The following STXBP5L variants were observed in gnomAD, a reference collection of about 807,000 sequenced individuals.
STXBP5L encodes syntaxin binding protein 5L.
In STXBP5L, 65 loss-of-function variants were observed where a neutral mutation model predicts 144.5. That is an observed-to-expected ratio of 0.45 (90% CI 0.37 to 0.55). The LOEUF (loss-of-function observed/expected upper bound fraction) is 0.55, where lower values mean the gene tolerates loss of function less well. Among genes scored for constraint, STXBP5L ranks in the 20% least tolerant of loss-of-function variants. STXBP5L has a pLI of 0.00. For synonymous variants in STXBP5L, 505 were observed against 469.6 expected (o/e 1.08, Z -0.97); for missense variants, 1,298 against 1,405.5 (o/e 0.92, Z 1.22).
At chr3:121,034,115 T>G (rs969341530) in intron 3 of STXBP5L, among the ~76,000 whole-genome samples, 2 of 152,070 alleles carry the variant, frequency 1.3e-5, no homozygotes, top group African/African-American at 4.8e-5. Context: ...AAACAAAACA[T>G]AAAACCATTG....
At chr3:121,307,455 G>T (rs1364510612) in intron 19 of STXBP5L, among the ~76,000 whole-genome samples, 1 of 152,040 alleles carries the variant, frequency 6.6e-6, no homozygotes, top group East Asian at 1.9e-4. Flanking sequence ...ATCAAATCAA[G>T]AACATAAATA....
intron 3 of STXBP5L, among the ~76,000 whole-genome samples, chr3:120,998,575 G>T (rs992441344): frequency 2.7e-4 from 41 of 151,990 alleles, no homozygotes; most frequent in African/African-American, 9.4e-4. Flanking sequence ...ATATTCCCCT[G>T]CCTGTGTCCA....
intron 2 of STXBP5L, among the ~76,000 whole-genome samples, chr3:120,926,948 T>C (rs1255914796): frequency 1.3e-5 from 2 of 151,230 alleles, no homozygotes; most frequent in Non-Finnish European, 3.0e-5. Context: ...TTTTTTTTTT[T>C]TTTTTGAGAT....
At chr3:121,050,656 C>A (rs548741758) in intron 5 of STXBP5L, among the ~76,000 whole-genome samples, 1 of 152,288 alleles carries the variant, frequency 6.6e-6, no homozygotes, top group African/African-American at 2.4e-5. Flanking sequence ...ACCATCAAGG[C>A]TAGGAAGAAA....
chr3:120,993,575 C>T (rs1392651389), intron 3 of STXBP5L, among the ~76,000 whole-genome samples: 2 of 151,920 alleles, frequency 1.3e-5, no homozygotes, highest in African/African-American at 2.4e-5. Flanking sequence ...TGTCCTTTCC[C>T]CATTGTATGT....
At chr3:121,205,453 A>C (rs2048301101) in intron 9 of STXBP5L, among the ~76,000 whole-genome samples, 1 of 152,144 alleles carries the variant, frequency 6.6e-6, no homozygotes, top group Non-Finnish European at 1.5e-5. Flanking sequence ...CCCATGTCCT[A>C]ATCACCTCTT....
At chr3:121,369,053 G>T (rs78979144) in intron 20 of STXBP5L, among the ~76,000 whole-genome samples, 2 of 152,154 alleles carry the variant, frequency 1.3e-5, no homozygotes, top group Non-Finnish European at 2.9e-5. Flanking sequence ...ATAGAGGGGG[G>T]TTTTGTTGGT....
At chr3:121,416,054 T>A in intron 25 of STXBP5L, 86 bp downstream of exon 25, 1 of 992,362 alleles carries the variant, frequency 1.0e-6, no homozygotes, top group Non-Finnish European at 1.5e-6. Context: ...CTTAATGTAA[T>A]ATGTGATCTC....
intron 7 of STXBP5L, among the ~76,000 whole-genome samples, chr3:121,130,492 G>A (rs935362861): frequency 6.6e-6 from 1 of 152,042 alleles, no homozygotes; most frequent in Admixed American, 6.6e-5. Flanking sequence ...CCTCCCTCTT[G>A]ACCTACATAT....
chr3:121,418,363 T>A lies in STXBP5L; in HGVS notation c.3253T>A (p.Ser1085Thr), dbSNP rs749165885. ...LFGEASAGKA[S>T]RSLAQHIPGP... ...TGGGGAAGCTTCGGCAGGAAAAGCATCCCGCAGCCTTGCGCAACACATTCC... is the reference window on the plus strand; with the variant it reads ...TGGGGAAGCTTCGGCAGGAAAAGCAACCCGCAGCCTTGCGCAACACATTCC... The change falls in exon 26 of 27, where the codon TCC becomes ACC. Residue 1085 changes from serine to threonine, a missense_variant. Ser to Thr is a moderately conservative substitution (Grantham distance 58). Transcript: ENST00000471454. 6.2e-7 allele frequency: 1 copy of A among 1,613,678 alleles called. No homozygotes were observed. The highest frequency in any genetic ancestry group is 1.7e-5 in the Admixed American group (1 of 59,960).
At chr3:121,055,218 G>T (rs1478331664) in intron 5 of STXBP5L, among the ~76,000 whole-genome samples, 2 of 152,064 alleles carry the variant, frequency 1.3e-5, no homozygotes, top group Non-Finnish European at 2.9e-5. Flanking sequence ...ACTTATTGGA[G>T]GAGATAAAAT....
At chr3:120,942,117 G>A (rs754900606) in intron 2 of STXBP5L, among the ~76,000 whole-genome samples, 2 of 151,548 alleles carry the variant, frequency 1.3e-5, no homozygotes, top group African/African-American at 2.4e-5. Context: ...TCGTTTAATC[G>A]CTGTGTATAA....
In STXBP5L at chr3:121,003,677, T is replaced by G. The variant is rs904524197; in HGVS notation, c.288-38023T>G. 2.0e-5 allele frequency among the ~76,000 whole-genome samples: 3 copies of G among 152,222 alleles called. No homozygotes were observed. In the East Asian group the frequency reaches 5.8e-4, roughly 29 times the overall value. On this transcript the variant is annotated intron_variant, in intron 3 of 26. Coordinates refer to ENST00000471454, the MANE Select transcript of STXBP5L (RefSeq NM_001308330.2). ...CCTAGGTTTTCTTCTAGGGTTTTTA[T>G]GGTTTCAGGTCTAACATGTGAGTCT...
intron 5 of STXBP5L, among the ~76,000 whole-genome samples, chr3:121,070,571 G>T (rs1338136317): frequency 6.6e-6 from 1 of 151,914 alleles, no homozygotes; most frequent in Non-Finnish European, 1.5e-5. Context: ...CACAAATGTA[G>T]ATTAGTAAAG....
chr3:121,024,667 T>G (rs1225963335), intron 3 of STXBP5L, among the ~76,000 whole-genome samples: 2 of 152,178 alleles, frequency 1.3e-5, no homozygotes, highest in Non-Finnish European at 2.9e-5. Context: ...TAATGTCATT[T>G]GTTAATTTAA....
intron 5 of STXBP5L, among the ~76,000 whole-genome samples, chr3:121,100,715 A>C (rs888960555): frequency 6.6e-6 from 1 of 152,076 alleles, no homozygotes; most frequent in Non-Finnish European, 1.5e-5. Context: ...CTAATCCTAA[A>C]GCTAGCATCG....
chr3:121,157,468 T>A (rs1157080109), intron 8 of STXBP5L, 36 bp from the exon 9 acceptor site: 6 of 1,539,758 alleles, frequency 3.9e-6, no homozygotes, highest in Non-Finnish European at 5.2e-6. Context: ...ATCTACTTTT[T>A]TCCCCCTCTA....
chr3:120,950,997 T>C (rs1040440320), intron 2 of STXBP5L, among the ~76,000 whole-genome samples: 4 of 152,046 alleles, frequency 2.6e-5, no homozygotes, highest in Admixed American at 1.3e-4. Flanking sequence ...GAAATAATGC[T>C]GCATATCTAC....
rs145116973 is a variant in STXBP5L at position 121,390,631 on chromosome 3, T to C, written c.2587+9099T>C. ...TTGCTTATCTGTAAAGGATTTTATT[T>C]CTCCTTCACTAATGAAGCTTAGTTT... On this transcript the variant is annotated intron_variant, in intron 22 of 26. Coordinates refer to ENST00000471454, the MANE Select transcript of STXBP5L (RefSeq NM_001308330.2). Among the ~76,000 whole-genome samples, 1,127 of 152,326 alleles carry C rather than the reference T, an allele frequency of 7.4e-3. 18 individuals are homozygous for C. Among genetic ancestry groups the C allele is most frequent in the African/African-American group, 0.025 (1,044 of 41,564 alleles).
Sources: allele counts gnomAD v4.1 joint callset (sites outside exome capture counted in the v4.1 genomes callset), GRCh38; gene constraint gnomAD v4.1.1; transcripts MANE v1.5; gene names NCBI Gene and HGNC (gene_info 2026-07-23, HGNC 2026-07-21).